APOLD1: variants seen among roughly 807,000 people sequenced by gnomAD.
APOLD1 encodes apolipoprotein L domain containing 1.
APOLD1 carries 22 observed loss-of-function variants against 15.3 expected under a neutral mutation model. That is an observed-to-expected ratio of 1.44 (90% CI 1.03 to 2.05). The LOEUF is 2.05. Among genes scored for constraint, APOLD1 ranks in the 30% most tolerant of loss-of-function variants. The pLI, the probability that APOLD1 is intolerant of heterozygous loss-of-function variation, is 0.00. For synonymous variants in APOLD1, 190 were observed against 167.4 expected, an observed-to-expected ratio of 1.13 and a Z score of -1.04; for missense variants, 394 against 353.5, an observed-to-expected ratio of 1.11 and a Z score of -0.92.
Position 12,791,271 on chromosome 12 carries a change from C to G in APOLD1, c.*3619C>G, listed in dbSNP as rs1592314055. ...AGTGGTTGTAGAAGTCTCCCTAAAT[C>G]AGACATGTCAAGCAATCAGCCAACG... On this transcript the variant is annotated 3_prime_UTR_variant, in exon 2 of 2. Coordinates refer to ENST00000356591, the MANE Select transcript of APOLD1 (RefSeq NM_030817.3). The G allele has an allele frequency of 6.6e-6, 1 of 152,290 alleles. No homozygotes were observed. The highest frequency in any genetic ancestry group is 1.5e-5 in the Non-Finnish European group (1 of 68,022). The allele number at this position is 152,290 out of a possible 1,614,324, so 9.4% of individuals were successfully genotyped here. A position where few individuals can be genotyped will look rare whatever the true frequency, so the allele number is the denominator to read the frequency against.
intron 1 of APOLD1, among the ~76,000 whole-genome samples, chr12:12,760,346 CAAAA>C (rs1946888619): frequency 1.3e-5 from 2 of 151,156 alleles, no homozygotes; most frequent in African/African-American, 2.4e-5. Context: ...AACAAACAAA[CAAAA>C]ACCTTGGCCG....
At chr12:12,759,331 T>C (rs1404663862) in intron 1 of APOLD1, among the ~76,000 whole-genome samples, 1 of 152,158 alleles carries the variant, frequency 6.6e-6, no homozygotes, top group Non-Finnish European at 1.5e-5. Flanking sequence ...TTATTATCCT[T>C]AATGAAGCTC....
intron 1 of APOLD1, among the ~76,000 whole-genome samples, chr12:12,773,198 G>T (rs1394999049): frequency 6.6e-6 from 1 of 152,166 alleles, no homozygotes; most frequent in Non-Finnish European, 1.5e-5. Context: ...AAAGAAGAAA[G>T]ATCTAAAAAT....
At chr12:12,768,303 C>A (rs990448240) in intron 1 of APOLD1, among the ~76,000 whole-genome samples, 1 of 145,758 alleles carries the variant, frequency 6.9e-6, no homozygotes, top group Non-Finnish European at 1.5e-5. Context: ...ACAGGGTTTC[C>A]ATATTCCCTT....
intron 1 of APOLD1, chr12:12,726,230 C>T: frequency 2.7e-6 from 2 of 751,334 alleles, no homozygotes; most frequent in Non-Finnish European, 4.4e-6. Flanking sequence ...CAGAACCCAT[C>T]ATAATTCAGC....
chr12:12,753,851 A>G (rs1464879684), intron 1 of APOLD1, among the ~76,000 whole-genome samples: 1 of 152,176 alleles, frequency 6.6e-6, no homozygotes, highest in Non-Finnish European at 1.5e-5. Flanking sequence ...AAAATCTTCC[A>G]GAGGAAAAAA....
intron 1 of APOLD1, among the ~76,000 whole-genome samples, chr12:12,756,748 A>G (rs1025705786): frequency 4.6e-5 from 7 of 152,128 alleles, no homozygotes; most frequent in African/African-American, 1.2e-4. Flanking sequence ...GGTACCTAAT[A>G]TAAGTGGAAC....
At chr12:12,783,702 T>C (rs904543582), upstream of APOLD1, among the ~76,000 whole-genome samples, 3 of 149,800 alleles carry the variant, frequency 2.0e-5, no homozygotes, top group Non-Finnish European at 4.4e-5. Context: ...GGTACCATTA[T>C]AGCTCACTGC....
chr12:12,766,004 A>G (rs1204738332), intron 1 of APOLD1, among the ~76,000 whole-genome samples: 2 of 152,228 alleles, frequency 1.3e-5, no homozygotes, highest in African/African-American at 4.8e-5. Context: ...GGAGTTGAAA[A>G]AATAGGAATA....
upstream of APOLD1, among the ~76,000 whole-genome samples, chr12:12,784,246 G>A (rs1947107616): frequency 6.6e-6 from 1 of 152,162 alleles, no homozygotes; most frequent in African/African-American, 2.4e-5. Context: ...GATGTCCAGG[G>A]AAGTTAGAGG....
In APOLD1 at chr12:12,728,462, T is replaced by TCAGC; in HGVS notation, c.96+2367_96+2368insAGCC. Among the ~76,000 whole-genome samples the TCAGC allele has an allele frequency of 2.0e-5, 3 of 151,908 alleles. 1 individual carries two copies. The South Asian group carries it at 6.2e-4, about 32-fold the overall frequency. The stretch of plus-strand genomic sequence containing the variant: ...GGGCAGATCGCTTGAACTCAGGAGT[T>TCAGC]CTGGACCAGCCTGGGCAACATGGTG... On this transcript the variant is annotated intron_variant, in intron 1 of 1. Coordinates refer to the APOLD1 transcript ENST00000326765.
intron 1 of APOLD1, among the ~76,000 whole-genome samples, chr12:12,774,546 CAAAAAAAAA>C (rs57343706): frequency 2.4e-5 from 1 of 42,290 alleles, no homozygotes; most frequent in African/African-American, 7.6e-5. Context: ...ACTCTAACTC[CAAAAAAAAA>C]AAAAAAAAAA....
chr12:12,772,972 G>A (rs746006600), intron 1 of APOLD1, among the ~76,000 whole-genome samples: 25 of 152,180 alleles, frequency 1.6e-4, no homozygotes, highest in African/African-American at 5.3e-4. Context: ...AGTGCTACTC[G>A]AGAGGCTGAG....
Position 12,786,938 on chromosome 12 carries a change from G to A in APOLD1, c.33G>A (p.Pro11=), listed in dbSNP as rs546360064. Residue 11 remains proline, a synonymous_variant, in exon 2 of 2, where the codon CCG becomes CCA. Transcript: ENST00000356591. ...TGGAGAGGCCGGCGGCCCGGGAGCCGCATGGGCCCGACGCGCTGCGGCGCT... is the reference window on the plus strand; with the variant it reads ...TGGAGAGGCCGGCGGCCCGGGAGCCACATGGGCCCGACGCGCTGCGGCGCT... MGMERPAARE[P]HGPDALRRFQ... 1.1e-4 allele frequency: 165 copies of A among 1,456,422 alleles called. No homozygotes were observed. In the East Asian group the frequency reaches 4.6e-3, roughly 41 times the overall value. The allele number at this position is 1,456,422 out of a possible 1,614,324, so 90.2% of individuals were successfully genotyped here. A position where few individuals can be genotyped will look rare whatever the true frequency, so the allele number is the denominator to read the frequency against.
At chr12:12,753,715 G>T (rs1946832918) in intron 1 of APOLD1, among the ~76,000 whole-genome samples, 1 of 152,010 alleles carries the variant, frequency 6.6e-6, no homozygotes, top group African/African-American at 2.4e-5. Context: ...GGGAAGAGAG[G>T]CAGTGCATTT....
rs1326114668 is a variant in APOLD1, at chr12:12,791,454, C to T, written c.*3802C>T. 1.3e-5 allele frequency: 2 copies of T among 152,126 alleles called. No individual in the cohort carries two copies. Among genetic ancestry groups the T allele is most frequent in the Admixed American group, 6.5e-5 (1 of 15,276 alleles). 9.4% of individuals were successfully genotyped at this position (152,126 alleles called of 1,614,324 possible). A position where few individuals can be genotyped will look rare whatever the true frequency, so the allele number is the denominator to read the frequency against. ...GCTTTCTCTTTATTGAAATAAATTG[C>T]TCATTCCTCAAATTTTTTTATCTTT... is the stretch of plus-strand genomic sequence containing the variant. On this transcript the variant is annotated 3_prime_UTR_variant, in exon 2 of 2. Coordinates refer to ENST00000356591, the MANE Select transcript of APOLD1 (RefSeq NM_030817.3).
intron 1 of APOLD1, among the ~76,000 whole-genome samples, chr12:12,735,290 T>A (rs1454348501): frequency 1.3e-5 from 2 of 152,070 alleles, no homozygotes; most frequent in Admixed American, 6.6e-5. Flanking sequence ...TGCCTTCCCC[T>A]ATGTTCCAGT....
chr12:12,734,982 G>T (rs1946672752), intron 1 of APOLD1, among the ~76,000 whole-genome samples: 1 of 152,168 alleles, frequency 6.6e-6, no homozygotes. Context: ...TCTGCTTCAT[G>T]CTGTAGCAGT....
upstream of APOLD1, among the ~76,000 whole-genome samples, chr12:12,782,254 G>A (rs1210252895): frequency 2.9e-5 from 4 of 136,120 alleles, no homozygotes; most frequent in South Asian, 2.5e-4. Context: ...GCAAGACTCC[G>A]TCTCAAACAA....
Sources: gnomAD v4.1 joint callset for allele counts (sites outside exome capture counted in the v4.1 genomes callset) on GRCh38, gnomAD v4.1.1 for gene constraint, MANE v1.5 for transcripts, NCBI Gene and HGNC (gene_info 2026-07-23, HGNC 2026-07-21) for gene names.